IGSF11: variants seen among roughly 807,000 people sequenced by gnomAD.
The protein encoded by IGSF11 is immunoglobulin superfamily member 11.
In IGSF11, 22 loss-of-function variants were observed where a neutral mutation model predicts 41.0. The observed-to-expected ratio is 0.54, with a 90% CI of 0.38 to 0.77. IGSF11 has a LOEUF of 0.77. Ranked by LOEUF, IGSF11 falls within the 30% of genes least tolerant of loss-of-function variation. IGSF11 has a pLI of 0.00. For synonymous variants in IGSF11, 219 were observed against 201.3 expected, an observed-to-expected ratio of 1.09 and a Z score of -0.74; for missense variants, 444 against 530.8, an observed-to-expected ratio of 0.84 and a Z score of 1.61.
intron 2 of IGSF11, among the ~76,000 whole-genome samples, chr3:118,929,379 C>T (rs1024755664): frequency 6.6e-6 from 1 of 152,082 alleles, no homozygotes; most frequent in Admixed American, 6.5e-5. Flanking sequence ...AGTCTAACTA[C>T]AAAAATTCTA....
intron 1 of IGSF11, among the ~76,000 whole-genome samples, chr3:119,011,945 C>CTGTGTGTG (rs1553711932): frequency 4.0e-5 from 6 of 148,486 alleles, no homozygotes; most frequent in Admixed American, 4.0e-4. Context: ...ATATAGTGTT[C>CTGTGTGTG]TGTGTGTGTG....
At chr3:118,916,709 G>T (rs1254037097) in intron 4 of IGSF11, among the ~76,000 whole-genome samples, 1 of 151,842 alleles carries the variant, frequency 6.6e-6, no homozygotes, top group Non-Finnish European at 1.5e-5. Context: ...GAGACAGAAA[G>T]TCAACAAGGA....
At chr3:119,076,349 G>C in intron 1 of IGSF11, among the ~76,000 whole-genome samples, 1 of 152,144 alleles carries the variant, frequency 6.6e-6, no homozygotes, top group East Asian at 1.9e-4. Context: ...ACATAGGCAT[G>C]GGCAAGGACT....
At chr3:119,051,057 T>C (rs893241333) in intron 1 of IGSF11, among the ~76,000 whole-genome samples, 33 of 151,006 alleles carry the variant, frequency 2.2e-4, no homozygotes, top group African/African-American at 7.3e-4. Context: ...GATGACGAGT[T>C]AGTGGGTGCA....
At chr3:119,018,241 G>C (rs1938940514) in intron 1 of IGSF11, among the ~76,000 whole-genome samples, 1 of 152,212 alleles carries the variant, frequency 6.6e-6, no homozygotes, top group Non-Finnish European at 1.5e-5. Flanking sequence ...GTGAGAAAGA[G>C]AGAGAAGTCC....
chr3:119,029,560 T>TA (rs1240495217), intron 1 of IGSF11, among the ~76,000 whole-genome samples: 1 of 152,134 alleles, frequency 6.6e-6, no homozygotes, highest in Non-Finnish European at 1.5e-5. Context: ...CTGATGTTAC[T>TA]AGCAGAGGAA....
chr3:119,045,710 G>C (rs1193394639), intron 1 of IGSF11, among the ~76,000 whole-genome samples: 2 of 152,180 alleles, frequency 1.3e-5, no homozygotes, highest in Admixed American at 6.5e-5. Flanking sequence ...CAAACAAAAA[G>C]ACAGCAGTAA....
intron 1 of IGSF11, among the ~76,000 whole-genome samples, chr3:118,954,610 T>G (rs1039978665): frequency 1.3e-5 from 2 of 152,152 alleles, no homozygotes; most frequent in Non-Finnish European, 2.9e-5. Flanking sequence ...CAGTGGACTT[T>G]GCCCTGATCC....
In IGSF11 at chr3:119,042,936, G is replaced by A. The variant is rs186365448; in HGVS notation, c.49+62208C>T. 1.2e-3 allele frequency among the ~76,000 whole-genome samples: 179 copies of A among 152,234 alleles called. 1 individual carries two copies. Among genetic ancestry groups the A allele is most frequent in the African/African-American group, 3.9e-3 (163 of 41,542 alleles). On this transcript the variant is annotated intron_variant, in intron 1 of 6. Coordinates refer to the IGSF11 transcript ENST00000354673. ...TTCTTAGAGCTCCCAAGATGGTGGC[G>A]GGCAGCTTCCAAGATGGCAGCAAGC...
chr3:118,953,884 G>T, intron 1 of IGSF11, among the ~76,000 whole-genome samples: 1 of 152,064 alleles, frequency 6.6e-6, no homozygotes, highest in African/African-American at 2.4e-5. Flanking sequence ...TTCTTTTGCT[G>T]TGCAGAAGCT....
intron 1 of IGSF11, among the ~76,000 whole-genome samples, chr3:119,067,307 T>C (rs1331698275): frequency 1.3e-5 from 2 of 152,126 alleles, no homozygotes; most frequent in Non-Finnish European, 2.9e-5. Context: ...TCACCTCTTT[T>C]CCTCAGGCTC....
At chr3:119,116,623 C>T (rs2077259248) in intron 1 of IGSF11, among the ~76,000 whole-genome samples, 1 of 152,068 alleles carries the variant, frequency 6.6e-6, no homozygotes, top group South Asian at 2.1e-4. Flanking sequence ...AGACATTGCC[C>T]AAAACTCAAC....
intron 1 of IGSF11, among the ~76,000 whole-genome samples, chr3:119,048,890 C>T (rs1028904473): frequency 1.1e-4 from 17 of 152,252 alleles, no homozygotes; most frequent in Admixed American, 2.6e-4. Context: ...GAACCAAAGA[C>T]AAAAACCACA....
rs183996912 is a variant in IGSF11, at chr3:119,112,490, C to T, written c.-13-7285G>A. On this transcript the variant is annotated intron_variant, in intron 1 of 7. Coordinates refer to the IGSF11 transcript ENST00000425327. ...GGGAGTGACCCGATTTTCCAGGTGCCGTCTGTCACCCCTTTCCTTGACCAG... is the reference window on the plus strand; with the variant it reads ...GGGAGTGACCCGATTTTCCAGGTGCTGTCTGTCACCCCTTTCCTTGACCAG... Among the ~76,000 whole-genome samples, 378 of 152,258 alleles carry T rather than the reference C, an allele frequency of 2.5e-3. 1 individual carries two copies. Among genetic ancestry groups the T allele is most frequent in the African/African-American group, 8.6e-3 (357 of 41,556 alleles).
At chr3:118,952,208 C>T (rs533886922) in intron 1 of IGSF11, among the ~76,000 whole-genome samples, 26 of 152,182 alleles carry the variant, frequency 1.7e-4, no homozygotes, top group African/African-American at 6.0e-4. Context: ...CATCTTTTTG[C>T]TAATAGAAGG....
intron 1 of IGSF11, among the ~76,000 whole-genome samples, chr3:119,011,638 A>T (rs998474507): frequency 6.6e-6 from 1 of 152,182 alleles, no homozygotes; most frequent in Non-Finnish European, 1.5e-5. Context: ...GAAATACTAT[A>T]TAAGTATCTG....
intron 1 of IGSF11, among the ~76,000 whole-genome samples, chr3:119,061,171 T>A (rs1234513525): frequency 6.6e-6 from 1 of 152,202 alleles, no homozygotes; most frequent in Non-Finnish European, 1.5e-5. Flanking sequence ...TAATCATTAT[T>A]ATTACCAAAA....
In IGSF11 at chr3:118,970,232, A is replaced by C. The variant is rs376185450; in HGVS notation, c.53-39957T>G. Among the ~76,000 whole-genome samples the C allele has an allele frequency of 2.0e-5, 3 of 152,358 alleles. No individual in the cohort carries two copies. The South Asian group carries it at 6.2e-4, about 32-fold the overall frequency. ...AAAGTCAAGAATTCAACTCTTCTGC[A>C]GTAAGAGATATGCTACGTTTGTCTT... On this transcript the variant is annotated intron_variant, in intron 1 of 6. Transcript: ENST00000393775.
intron 6 of IGSF11, 96 bp downstream of exon 6, chr3:118,904,550 CAG>C: frequency 2.3e-6 from 2 of 870,554 alleles, no homozygotes; most frequent in African/African-American, 1.7e-5. Flanking sequence ...TCTCGGCCAT[CAG>C]AGTTTTATGA....
Sources: allele counts gnomAD v4.1 joint callset (sites outside exome capture counted in the v4.1 genomes callset), GRCh38; gene constraint gnomAD v4.1.1; transcripts MANE v1.5; gene names NCBI Gene and HGNC (gene_info 2026-07-23, HGNC 2026-07-21).